ANKRD30B: variants seen among roughly 807,000 people sequenced by gnomAD.
ANKRD30B encodes the protein ankyrin repeat domain 30B.
A neutral mutation model predicts 202.2 loss-of-function variants in ANKRD30B; 144 were observed. The observed-to-expected ratio is 0.71, with a 90% confidence interval of 0.62 to 0.82. The LOEUF (loss-of-function observed/expected upper bound fraction) is 0.82, where lower values mean the gene tolerates loss of function less well. Among genes scored for constraint, ANKRD30B ranks in the 40% least tolerant of loss-of-function variants. The pLI is 0.00. For missense variants in ANKRD30B, 1,487 were observed against 1,669.1 expected, an observed-to-expected ratio of 0.89 and a Z score of 1.90; for synonymous variants, 508 against 561.3, an observed-to-expected ratio of 0.91 and a Z score of 1.34.
At chr18:14,787,205 A>T (rs1183828667) in intron 15 of ANKRD30B, 105 bp downstream of exon 15, 1 of 1,008,696 alleles carries the variant, frequency 9.9e-7, no homozygotes, top group Non-Finnish European at 1.4e-6. Context: ...TGTCACCCCC[A>T]AATTATTTTT....
intron 20 of ANKRD30B, 123 bp from the exon 21 acceptor site, chr18:14,798,978 T>C (rs1969122982): frequency 9.4e-7 from 1 of 1,061,186 alleles, no homozygotes; most frequent in African/African-American, 1.6e-5. Context: ...CCCCAAAACC[T>C]AGTGTAATCC....
intron 27 of ANKRD30B, 42 bp from the exon 28 acceptor site, chr18:14,810,066 T>C (rs760166976): frequency 1.4e-6 from 2 of 1,463,592 alleles, no homozygotes; most frequent in Non-Finnish European, 1.9e-6. Flanking sequence ...TTTTATGAAG[T>C]ATACATTATC....
rs757549622 is a variant in ANKRD30B, at chr18:14,851,583, A to T, written c.3639A>T (p.Leu1213=). The change falls in exon 42 of 44, where the codon CTA becomes CTT. Residue 1213 remains leucine (L), a synonymous_variant. Transcript: ENST00000690538. ...TGTTGAAAAAGGAAATTGCCATGCTAAAACTGGAAGTAGCCACACTGAAAC... is the reference window on the plus strand; with the variant it reads ...TGTTGAAAAAGGAAATTGCCATGCTTAAACTGGAAGTAGCCACACTGAAAC... ...NCMLKKEIAM[L]KLEVATLKHQ... The T allele has an allele frequency of 1.5e-5, 24 of 1,604,036 alleles. No homozygotes were observed. In the African/African-American group the frequency reaches 1.8e-4, roughly 12 times the overall value.
chr18:14,823,372 T>G (rs1436292528), intron 32 of ANKRD30B, among the ~76,000 whole-genome samples: 1 of 147,170 alleles, frequency 6.8e-6, no homozygotes, highest in South Asian at 2.3e-4. Flanking sequence ...CAAATGCTGA[T>G]TGGAATTCTG....
chr18:14,822,895 C>A (rs1262857536), intron 32 of ANKRD30B, among the ~76,000 whole-genome samples: 1 of 131,478 alleles, frequency 7.6e-6, no homozygotes, highest in African/African-American at 2.9e-5. Flanking sequence ...TCATGTGGTT[C>A]TTCTTTAATA....
chr18:14,796,867 G>T (rs752488797), intron 18 of ANKRD30B, among the ~76,000 whole-genome samples: 2 of 152,016 alleles, frequency 1.3e-5, no homozygotes, highest in African/African-American at 2.4e-5. Flanking sequence ...AGGTGAGATG[G>T]TCCCATGTGG....
chr18:14,851,177 T>C (rs2143268956), intron 41 of ANKRD30B, among the ~76,000 whole-genome samples: 1 of 151,914 alleles, frequency 6.6e-6, no homozygotes, highest in South Asian at 2.1e-4. Flanking sequence ...AATTTTTGTA[T>C]GTAGTCAAAT....
intron 40 of ANKRD30B, 75 bp from the exon 41 acceptor site, chr18:14,850,139 T>C (rs1178176005): frequency 2.9e-6 from 3 of 1,031,084 alleles, no homozygotes; most frequent in East Asian, 2.8e-5. Flanking sequence ...TAAACCAGTA[T>C]AGGAAGAAGT....
chr18:14,814,609 T>G lies in ANKRD30B; in HGVS notation c.2551-12T>G. The G allele has an allele frequency of 8.2e-7, 1 of 1,224,418 alleles. No individual in the cohort carries two copies. The allele number at this position is 1,224,418 out of a possible 1,614,324, so 75.8% of individuals were successfully genotyped here. On this transcript the variant is annotated splice_polypyrimidine_tract_variant and intron_variant, in intron 29 of 43. Transcript: ENST00000690538. Reference sequence around the variant, plus strand: ...CTCCATTGAAATTATTTATTGATATTACTTTTAACAGAGTTTCCTTGAGGC... The same window carrying G: ...CTCCATTGAAATTATTTATTGATATGACTTTTAACAGAGTTTCCTTGAGGC...
chr18:14,832,798 T>C (rs1440678405), intron 34 of ANKRD30B, among the ~76,000 whole-genome samples: 1 of 152,238 alleles, frequency 6.6e-6, no homozygotes. Context: ...TGAGAAAATA[T>C]GTCATAAATA....
the ANKRD30B span, among the ~76,000 whole-genome samples, chr18:14,889,752 G>A: frequency 6.7e-6 from 1 of 149,940 alleles, no homozygotes; most frequent in African/African-American, 2.5e-5. Context: ...ATCCTTAGAG[G>A]TCAGCTGATT....
At chr18:14,833,683 G>C (rs1281821008) in intron 34 of ANKRD30B, among the ~76,000 whole-genome samples, 1 of 152,074 alleles carries the variant, frequency 6.6e-6, no homozygotes, top group Non-Finnish European at 1.5e-5. Context: ...TATTACACAA[G>C]TATTAACAAA....
At chr18:14,906,712 A>G in the ANKRD30B span, among the ~76,000 whole-genome samples, 6 of 152,146 alleles carry the variant, frequency 3.9e-5, no homozygotes, top group African/African-American at 1.4e-4. Context: ...AAATTCTAAA[A>G]TATTTGAAGA....
intron 3 of ANKRD30B, among the ~76,000 whole-genome samples, 172 bp downstream of exon 3, chr18:14,753,184 TAG>T (rs749333500): frequency 6.6e-6 from 1 of 152,208 alleles, no homozygotes. Flanking sequence ...AAAGAACTAT[TAG>T]AGAGTATGGC....
rs1356429274 is a variant in ANKRD30B, at chr18:14,854,517, T to C, written c.*359T>C. Among the ~76,000 whole-genome samples, 2 of 152,194 alleles carry C rather than the reference T, an allele frequency of 1.3e-5. No individual in the cohort carries two copies. The highest frequency in any genetic ancestry group is 2.9e-5 in the Non-Finnish European group (2 of 68,038). ...TGAATCCCTGACACGTTCAGTGTTT[T>C]CAGTTATTTTTCTTGGCTGTAGGAA... On this transcript the variant is annotated 3_prime_UTR_variant, in exon 44 of 44. Transcript: ENST00000690538.
the ANKRD30B span, among the ~76,000 whole-genome samples, chr18:14,881,765 A>T: frequency 2.0e-5 from 3 of 151,776 alleles, no homozygotes; most frequent in African/African-American, 7.3e-5. Context: ...TAAAATTACC[A>T]TTTCAATCTT....
intron 32 of ANKRD30B, among the ~76,000 whole-genome samples, chr18:14,828,041 A>G (rs983865016): frequency 2.4e-4 from 37 of 152,264 alleles, no homozygotes; most frequent in Non-Finnish European, 1.8e-4. Flanking sequence ...ATGCTTTTTA[A>G]ACCAAGACCT....
chr18:14,926,040 T>C, the ANKRD30B span, among the ~76,000 whole-genome samples: 1 of 152,152 alleles, frequency 6.6e-6, no homozygotes, highest in Non-Finnish European at 1.5e-5. Flanking sequence ...TCAAAAGATA[T>C]TAAGAATTTG....
chr18:14,831,476 A>C, intron 34 of ANKRD30B, 21 bp downstream of exon 34: 1 of 1,371,942 alleles, frequency 7.3e-7, no homozygotes, highest in Non-Finnish European at 1.0e-6. Context: ...CTCTTGTTAA[A>C]TTGATTTTCT....
Sources: gnomAD v4.1 joint callset for allele counts (sites outside exome capture counted in the v4.1 genomes callset) on GRCh38, gnomAD v4.1.1 for gene constraint, MANE v1.5 for transcripts, NCBI Gene and HGNC (gene_info 2026-07-23, HGNC 2026-07-21) for gene names.